GRM7: variants seen among roughly 807,000 people sequenced by gnomAD.
The protein encoded by GRM7 is glutamate metabotropic receptor 7, also known as metabotropic glutamate receptor 7.
GRM7 carries 35 observed loss-of-function variants against 84.5 expected under a neutral mutation model. The observed-to-expected ratio is 0.41, with a 90% confidence interval of 0.32 to 0.55. The LOEUF (loss-of-function observed/expected upper bound fraction) is 0.55, where lower values mean the gene tolerates loss of function less well. Ranked by LOEUF, GRM7 falls within the 20% of genes least tolerant of loss-of-function variation. GRM7 has a pLI of 0.19. For synonymous variants in GRM7, 487 were observed against 455.1 expected (o/e 1.07, Z -0.89); for missense variants, 1,003 against 1,194.6 (o/e 0.84, Z 2.36).
At chr3:7,090,925 G>A (rs1405910204) in intron 1 of GRM7, among the ~76,000 whole-genome samples, 2 of 152,050 alleles carry the variant, frequency 1.3e-5, no homozygotes, top group East Asian at 3.9e-4. Flanking sequence ...TTTAAAAACA[G>A]CCATTTAAGA....
chr3:7,140,289 T>G (rs964583749), intron 1 of GRM7, among the ~76,000 whole-genome samples: 3 of 151,826 alleles, frequency 2.0e-5, no homozygotes, highest in Admixed American at 6.6e-5. Flanking sequence ...AAACATGAAG[T>G]GGTTGAGTAT....
At chr3:7,319,506 C>G (rs1287705792) in intron 4 of GRM7, among the ~76,000 whole-genome samples, 4 of 151,988 alleles carry the variant, frequency 2.6e-5, no homozygotes, top group Non-Finnish European at 5.9e-5. Context: ...AATATGGGTT[C>G]TAGCATTTGA....
intron 1 of GRM7, among the ~76,000 whole-genome samples, chr3:7,000,513 A>G (rs966669191): frequency 5.3e-5 from 8 of 152,146 alleles, no homozygotes; most frequent in Admixed American, 1.3e-4. Context: ...TAAAAAGCAC[A>G]TTCTGAGGTT....
chr3:6,912,745 C>T (rs921024000), intron 1 of GRM7, among the ~76,000 whole-genome samples: 17 of 152,090 alleles, frequency 1.1e-4, no homozygotes, highest in African/African-American at 3.9e-4. Flanking sequence ...TAGACAAATT[C>T]TACCTAGAAA....
intron 1 of GRM7, among the ~76,000 whole-genome samples, chr3:7,077,389 A>T (rs1698126396): frequency 6.6e-6 from 1 of 152,166 alleles, no homozygotes; most frequent in Non-Finnish European, 1.5e-5. Flanking sequence ...AATACTATGC[A>T]GCCATAAAAA....
At chr3:7,582,722 C>T (rs111316575) in intron 8 of GRM7, among the ~76,000 whole-genome samples, 1 of 151,964 alleles carries the variant, frequency 6.6e-6, no homozygotes, top group Non-Finnish European at 1.5e-5. Context: ...ACTAAATGAC[C>T]AAATTGGGGC....
At chr3:7,346,633 G>A (rs1365193084) in intron 4 of GRM7, among the ~76,000 whole-genome samples, 1 of 150,982 alleles carries the variant, frequency 6.6e-6, no homozygotes, top group Non-Finnish European at 1.5e-5. Context: ...CTGGAAATGA[G>A]TAATTATAAG....
chr3:7,649,227 G>A (rs967630876), intron 8 of GRM7, among the ~76,000 whole-genome samples: 8 of 151,952 alleles, frequency 5.3e-5, no homozygotes, highest in Non-Finnish European at 2.9e-5. Context: ...CCACTACCAC[G>A]CCCGGCTAAT....
chr3:7,095,674 C>T (rs1698830350), intron 1 of GRM7, among the ~76,000 whole-genome samples: 2 of 152,092 alleles, frequency 1.3e-5, no homozygotes, highest in Non-Finnish European at 2.9e-5. Context: ...TCATGGAATA[C>T]AGAGATGACA....
intron 1 of GRM7, among the ~76,000 whole-genome samples, chr3:7,021,663 G>C (rs752687028): frequency 6.6e-6 from 1 of 152,084 alleles, no homozygotes; most frequent in African/African-American, 2.4e-5. Context: ...GTTTTTAATT[G>C]TATAGTATTC....
At chr3:7,567,134 TTACTC>T (rs1559407467) in intron 7 of GRM7, among the ~76,000 whole-genome samples, 2 of 152,226 alleles carry the variant, frequency 1.3e-5, no homozygotes, top group African/African-American at 4.8e-5. Flanking sequence ...CTTCATTTGT[TTACTC>T]TATATGTCCA....
At chr3:7,083,180 G>T (rs1441149065) in intron 1 of GRM7, among the ~76,000 whole-genome samples, 1 of 152,058 alleles carries the variant, frequency 6.6e-6, no homozygotes, top group Non-Finnish European at 1.5e-5. Context: ...TGTTGCCTTA[G>T]TTTAGGAAAC....
chr3:7,051,512 G>A (rs1307624211), intron 1 of GRM7, among the ~76,000 whole-genome samples: 3 of 151,800 alleles, frequency 2.0e-5, no homozygotes, highest in Non-Finnish European at 4.4e-5. Flanking sequence ...GACTCTAGCT[G>A]TGGAACATAT....
intron 4 of GRM7, among the ~76,000 whole-genome samples, chr3:7,317,917 T>G (rs535273211): frequency 1.3e-5 from 2 of 152,174 alleles, no homozygotes; most frequent in African/African-American, 4.8e-5. Flanking sequence ...GATCTTGAAA[T>G]ACCTCTCTAT....
chr3:7,141,500 TC>T (rs140142831), intron 1 of GRM7, among the ~76,000 whole-genome samples: 195 of 152,142 alleles, frequency 1.3e-3, no homozygotes, highest in African/African-American at 4.3e-3. Flanking sequence ...ATATTTAAAT[TC>T]TACCCAAATT....
intron 5 of GRM7, among the ~76,000 whole-genome samples, chr3:7,422,112 G>A (rs1372139629): frequency 7.3e-5 from 11 of 151,632 alleles, no homozygotes; most frequent in Admixed American, 7.2e-4. Flanking sequence ...CAAAAAACAG[G>A]GCCATAGCAG....
intron 7 of GRM7, among the ~76,000 whole-genome samples, chr3:7,463,230 T>G (rs942833294): frequency 2.0e-5 from 3 of 152,200 alleles, no homozygotes; most frequent in Non-Finnish European, 4.4e-5. Flanking sequence ...TGCACTCTTG[T>G]TAAATTTCTG....
intron 1 of GRM7, among the ~76,000 whole-genome samples, chr3:7,048,805 A>G (rs1018027104): frequency 1.1e-4 from 17 of 151,934 alleles, no homozygotes; most frequent in African/African-American, 3.9e-4. Context: ...ATGCTGTACA[A>G]TAGATCTCTT....
intron 2 of GRM7, among the ~76,000 whole-genome samples, chr3:7,198,661 A>G (rs1025051416): frequency 2.6e-5 from 4 of 152,332 alleles, no homozygotes; most frequent in African/African-American, 7.2e-5. Context: ...CACAAAGCCT[A>G]TTGTATAATA....
Sources: gnomAD v4.1 joint callset for allele counts (sites outside exome capture counted in the v4.1 genomes callset) on GRCh38, gnomAD v4.1.1 for gene constraint, MANE v1.5 for transcripts, NCBI Gene and HGNC (gene_info 2026-07-23, HGNC 2026-07-21) for gene names.